CNTNAP5: variants seen among roughly 807,000 people sequenced by gnomAD.
CNTNAP5 encodes contactin associated protein family member 5.
A neutral mutation model predicts 150.2 loss-of-function variants in CNTNAP5; 72 were observed. That is an observed-to-expected ratio of 0.48 (90% CI 0.40 to 0.58). CNTNAP5 has a LOEUF of 0.58. Ranked by LOEUF, CNTNAP5 falls within the 20% of genes least tolerant of loss-of-function variation. The pLI is 0.00. For synonymous variants in CNTNAP5, 672 were observed against 619.8 expected (o/e 1.08, Z -1.25); for missense variants, 1,636 against 1,626.2 (o/e 1.01, Z -0.10).
chr2:124,459,322 C>A (rs1276361229), intron 6 of CNTNAP5, among the ~76,000 whole-genome samples: 3 of 152,154 alleles, frequency 2.0e-5, no homozygotes, highest in Non-Finnish European at 4.4e-5. Flanking sequence ...AAACTTACAT[C>A]ATTTGCCTCC....
intron 17 of CNTNAP5, among the ~76,000 whole-genome samples, chr2:124,777,384 A>G (rs1277759227): frequency 6.6e-6 from 1 of 152,056 alleles, no homozygotes; most frequent in Non-Finnish European, 1.5e-5. Context: ...TCGCTATTAT[A>G]TATTTTTTGA....
intron 1 of CNTNAP5, among the ~76,000 whole-genome samples, chr2:124,122,895 A>T (rs199925214): frequency 1.3e-5 from 2 of 149,742 alleles, no homozygotes; most frequent in Non-Finnish European, 1.5e-5. Flanking sequence ...TAAGAAAAAA[A>T]ATATATGTAT....
intron 3 of CNTNAP5, among the ~76,000 whole-genome samples, chr2:124,253,120 G>C (rs1028206286): frequency 8.6e-5 from 13 of 151,742 alleles, no homozygotes; most frequent in Admixed American, 8.5e-4. Context: ...CCTGGAAACT[G>C]TGACTTTAAG....
chr2:124,315,463 A>G (rs1688939450), intron 3 of CNTNAP5, among the ~76,000 whole-genome samples: 1 of 152,160 alleles, frequency 6.6e-6, no homozygotes, highest in Middle Eastern at 3.2e-3. Flanking sequence ...GCCAAGGTAG[A>G]AGCAAGCAGA....
chr2:124,091,909 T>A (rs1211714797), intron 1 of CNTNAP5, among the ~76,000 whole-genome samples: 1 of 152,096 alleles, frequency 6.6e-6, no homozygotes, highest in Non-Finnish European at 1.5e-5. Context: ...CAAATACACA[T>A]TACCTGAAAT....
chr2:124,137,447 G>T (rs959594853), intron 1 of CNTNAP5, among the ~76,000 whole-genome samples: 5 of 152,032 alleles, frequency 3.3e-5, no homozygotes, highest in Non-Finnish European at 5.9e-5. Flanking sequence ...GAAGTCTTTT[G>T]ACTTTGAATT....
chr2:124,172,645 C>A (rs1165082977), intron 1 of CNTNAP5, among the ~76,000 whole-genome samples: 1 of 152,134 alleles, frequency 6.6e-6, no homozygotes, highest in Admixed American at 6.5e-5. Flanking sequence ...AACTTCTGAG[C>A]TCTAGCAATC....
chr2:124,630,066 G>A (rs1008192798), intron 12 of CNTNAP5, among the ~76,000 whole-genome samples: 1 of 151,122 alleles, frequency 6.6e-6, no homozygotes, highest in Non-Finnish European at 1.5e-5. Context: ...TGAAATTGAG[G>A]CAGCAATAAA....
intron 13 of CNTNAP5, among the ~76,000 whole-genome samples, chr2:124,732,485 A>G (rs953576423): frequency 2.0e-5 from 3 of 152,098 alleles, no homozygotes; most frequent in African/African-American, 7.2e-5. Context: ...AACAGGCCCA[A>G]GGGAGACCCT....
At chr2:124,795,203 A>G (rs1007978352) in intron 18 of CNTNAP5, among the ~76,000 whole-genome samples, 2 of 152,168 alleles carry the variant, frequency 1.3e-5, no homozygotes, top group African/African-American at 4.8e-5. Context: ...CCTGATTTAT[A>G]TTTGAGTAAT....
intron 11 of CNTNAP5, among the ~76,000 whole-genome samples, chr2:124,601,221 A>C (rs1413711697): frequency 6.6e-6 from 1 of 152,342 alleles, no homozygotes; most frequent in African/African-American, 2.4e-5. Flanking sequence ...AAACATTTAT[A>C]TAGAAAGAAT....
intron 12 of CNTNAP5, among the ~76,000 whole-genome samples, chr2:124,645,496 T>C (rs1678184958): frequency 6.6e-6 from 1 of 152,086 alleles, no homozygotes; most frequent in African/African-American, 2.4e-5. Flanking sequence ...TGAGCCCAGG[T>C]GGCCAAGGCT....
chr2:124,123,525 C>T (rs1408190575), intron 1 of CNTNAP5, among the ~76,000 whole-genome samples: 5 of 152,234 alleles, frequency 3.3e-5, no homozygotes, highest in African/African-American at 9.6e-5. Context: ...CAGACTTAAA[C>T]GTCCCTGTCT....
chr2:124,636,899 T>TG (rs199745249), intron 12 of CNTNAP5, among the ~76,000 whole-genome samples: 57,923 of 151,868 alleles, frequency 0.38, 12,876 homozygotes, highest in Non-Finnish European at 0.5. Context: ...TCCTCATCTC[T>TG]TTCTCTTTTT....
intron 13 of CNTNAP5, among the ~76,000 whole-genome samples, chr2:124,661,311 T>G (rs566674567): frequency 6.6e-6 from 1 of 152,330 alleles, no homozygotes; most frequent in Non-Finnish European, 1.5e-5. Flanking sequence ...ACCTTCATTC[T>G]ATAAGCTTTT....
intron 6 of CNTNAP5, among the ~76,000 whole-genome samples, chr2:124,449,022 A>T (rs2104808656): frequency 6.6e-6 from 1 of 152,354 alleles, no homozygotes; most frequent in Non-Finnish European, 1.5e-5. Flanking sequence ...GGGATAGATA[A>T]TAGAACAGTG....
intron 9 of CNTNAP5, among the ~76,000 whole-genome samples, chr2:124,525,679 C>T (rs918694634): frequency 1.3e-5 from 2 of 152,076 alleles, no homozygotes; most frequent in Non-Finnish European, 2.9e-5. Context: ...GGGCCTGTGA[C>T]CTTTACCTCA....
At chr2:124,761,082 GT>G (rs1286693043) in intron 14 of CNTNAP5, among the ~76,000 whole-genome samples, 1 of 152,044 alleles carries the variant, frequency 6.6e-6, no homozygotes, top group Non-Finnish European at 1.5e-5. Context: ...TCCAAAGGAA[GT>G]GAAAGTTTGC....
At chr2:124,184,064 C>G (rs1387886437) in intron 1 of CNTNAP5, among the ~76,000 whole-genome samples, 1 of 152,230 alleles carries the variant, frequency 6.6e-6, no homozygotes, top group Non-Finnish European at 1.5e-5. Context: ...TAAGTTGCAA[C>G]TAGTTGCTGG....
Sources: allele counts gnomAD v4.1 joint callset (sites outside exome capture counted in the v4.1 genomes callset), GRCh38; gene constraint gnomAD v4.1.1; transcripts MANE v1.5; gene names NCBI Gene and HGNC (gene_info 2026-07-23, HGNC 2026-07-21).